CC2D2A: variants seen among roughly 807,000 people sequenced by gnomAD.
The protein encoded by CC2D2A is coiled-coil and C2 domain containing 2A.
Under a neutral mutation model 212.9 loss-of-function variants are expected in CC2D2A, and 155 were observed. The ratio of observed to expected loss-of-function variants is 0.73; its 90% CI spans 0.64 to 0.83. The LOEUF (loss-of-function observed/expected upper bound fraction) is 0.83. CC2D2A is among the 40% of genes least tolerant of loss of function. The probability of loss-of-function intolerance (pLI) is 0.00; values close to 1 mark genes in which losing one functional copy is unlikely to be tolerated. For missense variants in CC2D2A, 1,856 were observed against 1,956.2 expected (o/e 0.95, Z 0.97); for synonymous variants, 667 against 686.5 (o/e 0.97, Z 0.44).
chr4:15,577,339 T>C (rs926168326), intron 29 of CC2D2A, among the ~76,000 whole-genome samples: 1 of 152,192 alleles, frequency 6.6e-6, no homozygotes, highest in Admixed American at 6.6e-5. Context: ...CAGTTTTTTA[T>C]AAATGTTTAC....
In CC2D2A at chr4:15,537,750, G is replaced by A. The variant is rs1577357973; in HGVS notation, c.1765-149G>A. 2.2e-5 allele frequency: 16 copies of A among 737,734 alleles called. No homozygotes were observed. The East Asian group carries it at 4.3e-4, about 20-fold the overall frequency. The allele number at this position is 737,734 out of a possible 1,614,324, so 45.7% of individuals were successfully genotyped here. A position where few individuals can be genotyped will look rare whatever the true frequency, so the allele number is the denominator to read the frequency against. ...GATGAAAAAACTGAGGCACAGAGAG[G>A]TCAGGTGGCTTAGTGACCTGCCTGA... On this transcript the variant is annotated intron_variant, in intron 15 of 36. Coordinates refer to ENST00000424120, the MANE Select transcript of CC2D2A (RefSeq NM_001378615.1).
At chr4:15,471,364 GGGTTGAAGATTGGAGCTGAA>G (rs1188635293) in intron 1 of CC2D2A, among the ~76,000 whole-genome samples, 3 of 149,408 alleles carry the variant, frequency 2.0e-5, no homozygotes, top group African/African-American at 7.3e-5. Flanking sequence ...TGGTAGCTGG[GGGTTGAAGATTGGAGCTGAA>G]GGTGGGTGGG....
intron 4 of CC2D2A, among the ~76,000 whole-genome samples, chr4:15,484,409 C>T (rs1008571409): frequency 6.6e-6 from 1 of 152,088 alleles, no homozygotes; most frequent in Non-Finnish European, 1.5e-5. Flanking sequence ...ATGAGATGAG[C>T]GTCATTGGAG....
chr4:15,515,416 C>T (rs1716809482), intron 9 of CC2D2A, among the ~76,000 whole-genome samples: 1 of 152,112 alleles, frequency 6.6e-6, no homozygotes, highest in African/African-American at 2.4e-5. Flanking sequence ...TGATCACGTT[C>T]AATCAAATAA....
At chr4:15,497,495 A>G (rs558063943) in intron 4 of CC2D2A, among the ~76,000 whole-genome samples, 1 of 152,342 alleles carries the variant, frequency 6.6e-6, no homozygotes, top group African/African-American at 2.4e-5. Flanking sequence ...AATTATGGAA[A>G]TACTAGGTTC....
At chr4:15,521,675 G>T (rs1560163587) in intron 11 of CC2D2A, among the ~76,000 whole-genome samples, 1 of 152,214 alleles carries the variant, frequency 6.6e-6, no homozygotes, top group Non-Finnish European at 1.5e-5. Context: ...ACCAGAACTG[G>T]ATTACAGTCT....
chr4:15,510,065 T>A, intron 6 of CC2D2A, 74 bp from the exon 7 acceptor site: 3 of 1,124,704 alleles, frequency 2.7e-6, no homozygotes, highest in Middle Eastern at 2.0e-4. Context: ...GATGGGGGGG[T>A]TAACCTTCAT....
chr4:15,513,318 C>T (rs1716679097), intron 8 of CC2D2A, among the ~76,000 whole-genome samples: 1 of 152,254 alleles, frequency 6.6e-6, no homozygotes, highest in Non-Finnish European at 1.5e-5. Context: ...GAGCCACATA[C>T]TGTCACTTCT....
chr4:15,540,133 C>G (rs867823897), intron 16 of CC2D2A, among the ~76,000 whole-genome samples: 1 of 152,040 alleles, frequency 6.6e-6, no homozygotes. Flanking sequence ...CCACCCCTCC[C>G]CCAAAAAAAA....
chr4:15,596,039 T>C lies in CC2D2A; in HGVS notation c.4315-46T>C, dbSNP rs145358550. 148 of 1,443,450 alleles carry C rather than the reference T, an allele frequency of 1.0e-4. No homozygotes were observed. The African/African-American group carries it at 1.8e-3, about 18-fold the overall frequency. 89.4% of individuals were successfully genotyped at this position (1,443,450 alleles called of 1,614,324 possible). A position where few individuals can be genotyped will look rare whatever the true frequency, so the allele number is the denominator to read the frequency against. On this transcript the variant is annotated intron_variant, in intron 33 of 36. Coordinates refer to ENST00000424120, the MANE Select transcript of CC2D2A (RefSeq NM_001378615.1). ...ACATCCATGCACACATACATGTGCA[T>C]GTATACATGCTAACATATATGCTAA...
intron 1 of CC2D2A, 139 bp from the exon 2 acceptor site, chr4:15,475,776 A>C: frequency 1.5e-6 from 1 of 681,386 alleles, no homozygotes; most frequent in Admixed American, 2.2e-5. Context: ...GGGGTCTGCC[A>C]GGGTTCCTGG....
intron 16 of CC2D2A, among the ~76,000 whole-genome samples, chr4:15,538,914 T>G (rs1404689595): frequency 6.6e-6 from 1 of 152,058 alleles, no homozygotes; most frequent in African/African-American, 2.4e-5. Flanking sequence ...AAACATAAAC[T>G]CAGGCCAGGC....
chr4:15,584,542 A>C (rs1356929963), intron 30 of CC2D2A, among the ~76,000 whole-genome samples: 2 of 152,370 alleles, frequency 1.3e-5, no homozygotes, highest in African/African-American at 4.8e-5. Flanking sequence ...TGAAACTATG[A>C]AACTATTAAA....
At chr4:15,568,414 G>A (rs1461735892) in intron 26 of CC2D2A, among the ~76,000 whole-genome samples, 1 of 152,200 alleles carries the variant, frequency 6.6e-6, no homozygotes, top group Non-Finnish European at 1.5e-5. Context: ...TGTAATCCCA[G>A]CACTTTGGGA....
At chr4:15,485,402 C>T (rs1020670159) in intron 4 of CC2D2A, among the ~76,000 whole-genome samples, 6 of 152,120 alleles carry the variant, frequency 3.9e-5, no homozygotes, top group Non-Finnish European at 7.4e-5. Flanking sequence ...AGGTTAATTC[C>T]GTATCTTAGC....
chr4:15,487,147 C>A (rs1715044711), intron 4 of CC2D2A, among the ~76,000 whole-genome samples: 1 of 151,886 alleles, frequency 6.6e-6, no homozygotes, highest in Admixed American at 6.6e-5. Flanking sequence ...TTCTTTAAAT[C>A]TGTTAGTTTC....
At chr4:15,509,972 C>T (rs904334107) in intron 6 of CC2D2A, among the ~76,000 whole-genome samples, 167 bp from the exon 7 acceptor site, 2 of 152,170 alleles carry the variant, frequency 1.3e-5, no homozygotes, top group African/African-American at 2.4e-5. Flanking sequence ...CGCTATGGAG[C>T]GCATGACTGC....
At chr4:15,492,638 G>A in intron 4 of CC2D2A, 1 of 531,424 alleles carries the variant, frequency 1.9e-6, no homozygotes. Flanking sequence ...GTGAGGTGGG[G>A]GACTAAGGGC....
intron 36 of CC2D2A, among the ~76,000 whole-genome samples, chr4:15,600,460 G>C (rs1470799643): frequency 6.6e-6 from 1 of 152,100 alleles, no homozygotes; most frequent in Non-Finnish European, 1.5e-5. Context: ...GCAAATGCTG[G>C]AACACTTACA....
Sources: gnomAD v4.1 joint callset for allele counts (sites outside exome capture counted in the v4.1 genomes callset) on GRCh38, gnomAD v4.1.1 for gene constraint, MANE v1.5 for transcripts, NCBI Gene and HGNC (gene_info 2026-07-23, HGNC 2026-07-21) for gene names.